Variants in LMX1B observed in about 807,000 individuals in gnomAD.
LMX1B encodes the protein LIM homeobox transcription factor 1-beta.
In LMX1B, 12 loss-of-function variants were observed where a neutral mutation model predicts 51.4. The ratio of observed to expected loss-of-function variants is 0.23; its 90% CI spans 0.15 to 0.38. The LOEUF (loss-of-function observed/expected upper bound fraction) is 0.38, where lower values mean the gene tolerates loss of function less well. LMX1B is among the 10% of genes least tolerant of loss of function. The pLI is 1.00. For missense variants in LMX1B, 445 were observed against 571.1 expected (o/e 0.78, Z 2.25); for synonymous variants, 237 against 235.4 (o/e 1.01, Z -0.06).
At position 126,615,710 on chromosome 9, in the gene LMX1B, C is replaced by T; in HGVS notation, c.326+141C>T. On this transcript the variant is annotated intron_variant, in intron 2 of 7. Coordinates refer to ENST00000373474, the MANE Select transcript of LMX1B (RefSeq NM_001174147.2). This position sits in a 1 kb window ranked among gnomAD's most constrained non-coding sequence, Gnocchi z 6.0. ...GCAGCTCCAAGGGTTCCGAGAGCTG[C>T]GCGTCTTGGGGCTGGGGCGGACCAG... 4.0e-6 allele frequency: 3 copies of T among 746,720 alleles called. No individual in the cohort carries two copies. Among genetic ancestry groups the T allele is most frequent in the South Asian group, 4.3e-5 (2 of 46,468 alleles). The allele number at this position is 746,720 out of a possible 1,614,324, so 46.3% of individuals were successfully genotyped here.
At chr9:126,665,837 ACCT>A (rs777031636) in intron 2 of LMX1B, among the ~76,000 whole-genome samples, 54 of 151,946 alleles carry the variant, frequency 3.6e-4, no homozygotes, top group Non-Finnish European at 7.1e-4. Flanking sequence ...CTGCATGGAG[ACCT>A]CCTCACAGCC....
In LMX1B at chr9:126,641,803, C is replaced by T. The variant is rs959498569; in HGVS notation, c.326+26234C>T. ...CCACCTTCCACACAGCTGCTGTCCA[C>T]AGCACCCAGCCTCTTGCCACTCACG... On this transcript the variant is annotated intron_variant, in intron 2 of 7. Transcript: ENST00000373474. This position sits in a 1 kb window ranked among gnomAD's most constrained non-coding sequence, Gnocchi z 4.1. Among the ~76,000 whole-genome samples, 5 of 152,200 alleles carry T rather than the reference C, an allele frequency of 3.3e-5. No individual in the cohort carries two copies. Among genetic ancestry groups the T allele is most frequent in the African/African-American group, 9.7e-5 (4 of 41,440 alleles).
chr9:126,627,802 T>C (rs769830883), intron 2 of LMX1B, among the ~76,000 whole-genome samples: 9 of 152,158 alleles, frequency 5.9e-5, no homozygotes, highest in Non-Finnish European at 1.3e-4. Flanking sequence ...CAGCTAGGAC[T>C]TGTCCTGTTG....
intron 2 of LMX1B, among the ~76,000 whole-genome samples, chr9:126,638,734 C>G (rs574946237): frequency 1.4e-4 from 21 of 152,312 alleles, no homozygotes; most frequent in African/African-American, 4.8e-4. Context: ...GGAGCGCGCT[C>G]CGATCTCTCC....
At chr9:126,683,746 A>G in intron 2 of LMX1B, among the ~76,000 whole-genome samples, 1 of 152,238 alleles carries the variant, frequency 6.6e-6, no homozygotes, top group South Asian at 2.1e-4. Flanking sequence ...ATGATTACCC[A>G]TAAGGTGGGA....
At chr9:126,628,975 T>C (rs1835583716) in intron 2 of LMX1B, among the ~76,000 whole-genome samples, 1 of 127,538 alleles carries the variant, frequency 7.8e-6, no homozygotes, top group East Asian at 2.4e-4. Context: ...TTACGCTTGA[T>C]GGTGTCTTCA....
rs1325481050 is a variant in LMX1B at position 126,690,794 on chromosome 9, A to C, written c.327-42A>C. 1.9e-6 allele frequency: 3 copies of C among 1,538,922 alleles called. No individual in the cohort carries two copies. The Admixed American group carries it at 5.6e-5, about 29-fold the overall frequency. On this transcript the variant is annotated intron_variant, in intron 2 of 7. Coordinates refer to ENST00000373474, the MANE Select transcript of LMX1B (RefSeq NM_001174147.2). ...TCGGCAGGAGTGGCCTCTGGGAGGG[A>C]CTTCTGAGCACCGCCAACACGCCCG...
In LMX1B at chr9:126,677,798, C is replaced by T. The variant is rs539633365; in HGVS notation, c.327-13038C>T. Among the ~76,000 whole-genome samples, 10 of 152,232 alleles carry T rather than the reference C, an allele frequency of 6.6e-5. No homozygotes were observed. Among genetic ancestry groups the T allele is most frequent in the African/African-American group, 1.9e-4 (8 of 41,528 alleles). On this transcript the variant is annotated intron_variant, in intron 2 of 7. Transcript: ENST00000373474. This position sits in a 1 kb window ranked among gnomAD's most constrained non-coding sequence, Gnocchi z 5.0. ...CACAGGGCATGTACTCAGGGCATTG[C>T]GGGGAGGAGGAAGCTTAGTCCAGAT...
chr9:126,674,609 C>T (rs886107325), intron 2 of LMX1B, among the ~76,000 whole-genome samples: 4 of 152,176 alleles, frequency 2.6e-5, no homozygotes, highest in African/African-American at 9.7e-5. Flanking sequence ...TCCACGTGGT[C>T]CCCCATCTGC....
At chr9:126,662,422 C>G (rs1259849807) in intron 2 of LMX1B, among the ~76,000 whole-genome samples, 1 of 152,170 alleles carries the variant, frequency 6.6e-6, no homozygotes, top group African/African-American at 2.4e-5. Flanking sequence ...GCCTCAATTT[C>G]CTCGGCTGTA....
At chr9:126,676,808 G>A (rs532274826) in intron 2 of LMX1B, among the ~76,000 whole-genome samples, 21 of 152,352 alleles carry the variant, frequency 1.4e-4, no homozygotes, top group South Asian at 6.2e-4. Context: ...CACAGTTGGC[G>A]CTGGGTAAAT....
intron 2 of LMX1B, among the ~76,000 whole-genome samples, chr9:126,663,537 T>G (rs184059738): frequency 2.0e-5 from 3 of 152,338 alleles, no homozygotes; most frequent in Admixed American, 2.0e-4. Context: ...TTGACCTCTT[T>G]GAGCCTCAGT....
intron 2 of LMX1B, among the ~76,000 whole-genome samples, chr9:126,635,919 C>T (rs1835706333): frequency 6.6e-6 from 1 of 152,188 alleles, no homozygotes; most frequent in South Asian, 2.1e-4. Flanking sequence ...GGCTGCCAGG[C>T]CTTCAGGGGT....
intron 2 of LMX1B, among the ~76,000 whole-genome samples, chr9:126,654,769 A>G (rs1836081045): frequency 6.6e-6 from 1 of 152,226 alleles, no homozygotes; most frequent in South Asian, 2.1e-4. Context: ...AGGTGGGCCC[A>G]TGAGAAGAGG....
chr9:126,650,469 T>C (rs187801022), intron 2 of LMX1B, among the ~76,000 whole-genome samples: 2 of 152,210 alleles, frequency 1.3e-5, no homozygotes, highest in Admixed American at 1.3e-4. Context: ...CTGGGGACGA[T>C]AAAGGGGAGG....
At chr9:126,683,897 T>C (rs555820680) in intron 2 of LMX1B, among the ~76,000 whole-genome samples, 2 of 152,236 alleles carry the variant, frequency 1.3e-5, no homozygotes, top group South Asian at 4.1e-4. Context: ...AGGTATGTGT[T>C]ATGTCACCTT....
intron 2 of LMX1B, among the ~76,000 whole-genome samples, chr9:126,636,321 C>G (rs1835712618): frequency 6.6e-6 from 1 of 152,034 alleles, no homozygotes; most frequent in Non-Finnish European, 1.5e-5. Context: ...AGAGGGCTTC[C>G]TGGAGGGAGA....
Position 126,671,805 on chromosome 9 carries a change from C to T in LMX1B, c.327-19031C>T, listed in dbSNP as rs774875428. ...GCCAGCTCCCTCCAGGCCAGGGCAG[C>T]GGCCCCCCACAGCCCAGGCCCCCAG... On this transcript the variant is annotated intron_variant, in intron 2 of 7. Coordinates refer to ENST00000373474, the MANE Select transcript of LMX1B (RefSeq NM_001174147.2). This position sits in a 1 kb window ranked among gnomAD's most constrained non-coding sequence, Gnocchi z 4.4. Among the ~76,000 whole-genome samples, 3 of 152,172 alleles carry T rather than the reference C, an allele frequency of 2.0e-5. No individual in the cohort carries two copies. The highest frequency in any genetic ancestry group is 4.4e-5 in the Non-Finnish European group (3 of 68,036).
At chr9:126,693,651 AG>A (rs2030224338) in intron 5 of LMX1B, 50 bp downstream of exon 5, 1 of 1,609,544 alleles carries the variant, frequency 6.2e-7, no homozygotes, top group Admixed American at 1.7e-5. Context: ...GTGGGACTAG[AG>A]GGGGCAGCCA....
Sources: gnomAD v4.1 joint callset for allele counts (sites outside exome capture counted in the v4.1 genomes callset) on GRCh38, gnomAD v4.1.1 for gene constraint, Gnocchi (gnomAD v3.1) non-coding constraint, MANE v1.5 for transcripts, NCBI Gene and HGNC (gene_info 2026-07-23, HGNC 2026-07-21) for gene names.